Variants in BMP1 observed in about 807,000 individuals in gnomAD.
The protein encoded by BMP1 is mammalian tolloid protein.
Under a neutral mutation model 116.8 loss-of-function variants are expected in BMP1, and 63 were observed. That is an observed-to-expected ratio of 0.54 (90% confidence interval 0.44 to 0.67). The LOEUF (loss-of-function observed/expected upper bound fraction) is 0.67, where lower values mean the gene tolerates loss of function less well. Among genes scored for constraint, BMP1 ranks in the 30% least tolerant of loss-of-function variants. The pLI, the probability that BMP1 is intolerant of heterozygous loss-of-function variation, is 0.00. For missense variants in BMP1, 1,183 were observed against 1,358.9 expected, an observed-to-expected ratio of 0.87 and a Z score of 2.04; for synonymous variants, 536 against 533.4, an observed-to-expected ratio of 1.00 and a Z score of -0.07.
Position 22,196,728 on chromosome 8 carries a change from C to T in BMP1, c.1814C>T (p.Pro605Leu), listed in dbSNP as rs1829103410. The stretch of plus-strand genomic sequence containing the variant: ...AAGCTCAACGGCTCCATCACCAGCC[C>T]GGGCTGGCCCAAGGAGTACCCCCCC... ...LTKLNGSITS[P>L]GWPKEYPPNK... is the part of the protein sequence containing the mutation. Residue 605 changes from proline to leucine, a missense_variant, in exon 14 of 20, where the codon CCG becomes CTG. By Grantham distance (98) the Pro-to-Leu change is moderately conservative. This residue lies in a region of BMP1 where 956 missense variants were observed against 1,135.2 expected (regional missense o/e 0.84). Coordinates refer to ENST00000306385, the MANE Select transcript of BMP1 (RefSeq NM_006129.5). The T allele has an allele frequency of 1.2e-6, 2 of 1,614,034 alleles. No individual in the cohort carries two copies. The highest frequency in any genetic ancestry group is 1.1e-5 in the South Asian group (1 of 91,088).
Position 22,202,737 on chromosome 8 carries a change from G to A in BMP1, c.2233+809G>A, listed in dbSNP as rs558211714. ...GAAATAAAGTAAAATAGGCCAGTGC[G>A]GTGGTTCACACCTGTAATCCCAGCA... is the stretch of plus-strand genomic sequence containing the variant. On this transcript the variant is annotated intron_variant, in intron 16 of 19. Transcript: ENST00000306385. Among the ~76,000 whole-genome samples the A allele has an allele frequency of 8.8e-4, 134 of 152,310 alleles. 1 individual carries two copies. Among genetic ancestry groups the A allele is most frequent in the African/African-American group, 2.7e-3 (111 of 41,568 alleles).
intron 8 of BMP1, among the ~76,000 whole-genome samples, chr8:22,183,380 C>T (rs1328674853): frequency 6.6e-6 from 1 of 152,174 alleles, no homozygotes; most frequent in African/African-American, 2.4e-5. Flanking sequence ...TACGCCACTA[C>T]ACTCATGCCA....
rs1179546962 is a variant in BMP1, at chr8:22,206,866, A to G, written c.2246A>G (p.His749Arg). Residue 749 changes from histidine (H) to arginine (R), a missense_variant, in exon 17 of 20, where the codon CAC (histidine) becomes CGC (arginine). Coordinates refer to ENST00000306385, the MANE Select transcript of BMP1 (RefSeq NM_006129.5). ...CGCTTCCCTGCAGCCGGCTGTGACC[A>G]CAAGGTGACATCCACCAGTGGTACC... is the stretch of plus-strand genomic sequence containing the variant. ...KHDCKEAGCDHKVTSTSGTIT... is the reference protein window; with the variant it reads ...KHDCKEAGCDRKVTSTSGTIT... 6.2e-7 allele frequency: 1 copy of G among 1,614,168 alleles called. No homozygotes were observed. The highest frequency in any genetic ancestry group is 8.5e-7 in the Non-Finnish European group (1 of 1,180,012).
intron 1 of BMP1, chr8:22,171,595 G>C (rs915353397): frequency 1.2e-4 from 18 of 152,198 alleles, no homozygotes; most frequent in African/African-American, 4.3e-4. Context: ...GTGTCCGTCT[G>C]AGTATCTATT....
At chr8:22,169,243 C>T (rs1003210137) in intron 1 of BMP1, 2 of 151,506 alleles carry the variant, frequency 1.3e-5, no homozygotes, top group Admixed American at 6.6e-5. Context: ...ATATTGCGGT[C>T]GGGGGAGTAG....
intron 8 of BMP1, among the ~76,000 whole-genome samples, chr8:22,181,388 G>A (rs535800313): frequency 3.9e-5 from 6 of 152,280 alleles, no homozygotes; most frequent in East Asian, 1.9e-4. Flanking sequence ...TTCCCTGCTC[G>A]TTACTAATTG....
chr8:22,199,950 C>T (rs1198688862), intron 15 of BMP1, among the ~76,000 whole-genome samples: 1 of 152,214 alleles, frequency 6.6e-6, no homozygotes, highest in Non-Finnish European at 1.5e-5. Flanking sequence ...TCTGGAAGCC[C>T]ATGTTCCAGC....
chr8:22,172,013 G>A (rs1828291679), intron 1 of BMP1, among the ~76,000 whole-genome samples: 1 of 152,218 alleles, frequency 6.6e-6, no homozygotes, highest in Non-Finnish European at 1.5e-5. Context: ...GCCACCATAT[G>A]TCTGTAGGAA....
chr8:22,172,115 A>G (rs539394631), intron 1 of BMP1, among the ~76,000 whole-genome samples: 126 of 152,336 alleles, frequency 8.3e-4, no homozygotes, highest in African/African-American at 2.9e-3. Flanking sequence ...AAACCTGTGT[A>G]GAAGTCTTCA....
rs117439021 is a variant in BMP1 at position 22,195,072 on chromosome 8, G to A, written c.1639+153G>A. ...TAAGGAGCTCTGGGCTAGCTGGGGA[G>A]AAGAGGTCCCCCAATGTGGATTAGA... On this transcript the variant is annotated intron_variant, in intron 12 of 19. Coordinates refer to ENST00000306385, the MANE Select transcript of BMP1 (RefSeq NM_006129.5). Among the ~76,000 whole-genome samples the A allele has an allele frequency of 5.3e-3, 801 of 152,328 alleles. 3 individuals are homozygous for A. Among genetic ancestry groups the A allele is most frequent in the Non-Finnish European group, 8.7e-3 (593 of 68,036 alleles).
intron 8 of BMP1, among the ~76,000 whole-genome samples, chr8:22,185,776 C>T (rs896788134): frequency 6.6e-6 from 1 of 151,050 alleles, no homozygotes; most frequent in East Asian, 2.0e-4. Flanking sequence ...CACCTGCTAT[C>T]GCCCCTGGCT....
chr8:22,196,952 A>G (rs1433132744), intron 14 of BMP1, 112 bp downstream of exon 14: 27 of 1,363,058 alleles, frequency 2.0e-5, no homozygotes, highest in Non-Finnish European at 2.6e-5. Context: ...CACTCTGCAA[A>G]TATCGAGGAG....
intron 15 of BMP1, chr8:22,201,401 C>A: frequency 6.9e-7 from 1 of 1,444,998 alleles, no homozygotes; most frequent in Non-Finnish European, 9.0e-7. Context: ...GTGCCCTACC[C>A]CCTCCCATTT....
At chr8:22,196,955 T>C in intron 14 of BMP1, 115 bp downstream of exon 14, 2 of 1,348,984 alleles carry the variant, frequency 1.5e-6, no homozygotes, top group Non-Finnish European at 2.0e-6. Flanking sequence ...TCTGCAAATA[T>C]CGAGGAGAGA....
intron 14 of BMP1, 26 bp from the exon 15 acceptor site, chr8:22,197,214 G>C: frequency 6.3e-7 from 1 of 1,596,852 alleles, no homozygotes; most frequent in East Asian, 2.3e-5. Context: ...TGGAGGAGGC[G>C]GGCCTGGAGC....
Position 22,194,641 on chromosome 8 carries a change from G to A in BMP1, c.1443+51G>A, listed in dbSNP as rs1265496593. The A allele has an allele frequency of 2.5e-6, 4 of 1,603,884 alleles. No homozygotes were observed. The East Asian group carries it at 6.7e-5, about 27-fold the overall frequency. ...CCTTTGAATCCAGCAGTTGCTCCCT[G>A]GGACAGCTGCCTCTCTTTGGGCTCC... On this transcript the variant is annotated intron_variant, in intron 11 of 19. Transcript: ENST00000306385. This position sits in a 1 kb window ranked among gnomAD's most constrained non-coding sequence, Gnocchi z 4.5.
chr8:22,191,808 AG>A (rs1447000233), intron 8 of BMP1, among the ~76,000 whole-genome samples: 1 of 152,252 alleles, frequency 6.6e-6, no homozygotes, highest in Non-Finnish European at 1.5e-5. Flanking sequence ...AGCTGGAGCC[AG>A]GGGTTCTACC....
At chr8:22,209,753 C>A in intron 19 of BMP1, 58 bp downstream of exon 19, 1 of 1,568,680 alleles carries the variant, frequency 6.4e-7, no homozygotes, top group Non-Finnish European at 8.7e-7. Flanking sequence ...CACTGTCCTC[C>A]ACCCTTCTCA....
chr8:22,177,828 A>C (rs746833404), intron 5 of BMP1, 24 bp from the exon 6 acceptor site: 11 of 1,507,690 alleles, frequency 7.3e-6, no homozygotes, highest in Non-Finnish European at 7.3e-6. Flanking sequence ...CTCTCCCCCC[A>C]CACCCTTTTC....
Sources: allele counts gnomAD v4.1 joint callset (sites outside exome capture counted in the v4.1 genomes callset), GRCh38; gene constraint gnomAD v4.1.1; regional missense constraint gnomAD v4.1.1; non-coding constraint Gnocchi (gnomAD v3.1); transcripts MANE v1.5; gene names NCBI Gene and HGNC (gene_info 2026-07-23, HGNC 2026-07-21).